The following TAFA1 variants were observed in gnomAD, a reference collection of about 807,000 sequenced individuals.
TAFA1 encodes the protein chemokine-like protein TAFA-1.
TAFA1 carries 4 observed loss-of-function variants against 18.5 expected under a neutral mutation model. The ratio of observed to expected loss-of-function variants is 0.22; its 90% confidence interval spans 0.11 to 0.49. The LOEUF is 0.49. Among genes scored for constraint, TAFA1 ranks in the 20% least tolerant of loss-of-function variants. The pLI, the probability that TAFA1 is intolerant of heterozygous loss-of-function variation, is 0.98. For synonymous variants in TAFA1, 56 were observed against 55.2 expected, an observed-to-expected ratio of 1.01 and a Z score of -0.06; for missense variants, 147 against 169.0, an observed-to-expected ratio of 0.87 and a Z score of 0.72.
At chr3:68,225,479 G>A (rs1334860026) in intron 2 of TAFA1, among the ~76,000 whole-genome samples, 1 of 152,134 alleles carries the variant, frequency 6.6e-6, no homozygotes, top group Non-Finnish European at 1.5e-5. Context: ...GCCACAGAAG[G>A]AAGGCCAGCT....
At chr3:68,029,908 C>T (rs893627724) in intron 2 of TAFA1, among the ~76,000 whole-genome samples, 4 of 151,998 alleles carry the variant, frequency 2.6e-5, no homozygotes, top group Non-Finnish European at 2.9e-5. Context: ...TGGTATGGGA[C>T]GATAGTTAAG....
chr3:68,126,306 T>C (rs1158061857), intron 2 of TAFA1, among the ~76,000 whole-genome samples: 1 of 152,164 alleles, frequency 6.6e-6, no homozygotes, highest in African/African-American at 2.4e-5. Flanking sequence ...CATGAGTGAA[T>C]TAATAAACAT....
chr3:68,541,188 G>A lies in TAFA1; in HGVS notation c.384+2308G>A, dbSNP rs566957069. Among the ~76,000 whole-genome samples the A allele has an allele frequency of 2.0e-5, 3 of 152,330 alleles. No homozygotes were observed. In the South Asian group the frequency reaches 6.2e-4, roughly 32 times the overall value. The stretch of plus-strand genomic sequence containing the variant: ...AAGTCTGTCCTTAGAAAAGGAAAGA[G>A]AAGACACTGGAAAAGCTGTACTTTT... On this transcript the variant is annotated intron_variant, in intron 4 of 4. Coordinates refer to ENST00000478136, the MANE Select transcript of TAFA1 (RefSeq NM_213609.4).
chr3:68,078,920 G>A (rs28821179), intron 2 of TAFA1, among the ~76,000 whole-genome samples: 7 of 152,124 alleles, frequency 4.6e-5, no homozygotes, highest in Non-Finnish European at 8.8e-5. Context: ...GGTAGAATTC[G>A]GCTGTGAATC....
At chr3:68,324,311 C>A (rs997662795) in intron 2 of TAFA1, among the ~76,000 whole-genome samples, 23 of 151,940 alleles carry the variant, frequency 1.5e-4, no homozygotes, top group African/African-American at 5.3e-4. Flanking sequence ...AAAACCATGG[C>A]CATAGATGTT....
chr3:68,257,567 A>G (rs977149859), intron 2 of TAFA1, among the ~76,000 whole-genome samples: 2 of 152,140 alleles, frequency 1.3e-5, no homozygotes, highest in African/African-American at 4.8e-5. Flanking sequence ...GGCTAAGTGC[A>G]TAATACTCAT....
chr3:68,437,704 A>G (rs1291408999), intron 3 of TAFA1, among the ~76,000 whole-genome samples: 1 of 151,944 alleles, frequency 6.6e-6, no homozygotes, highest in East Asian at 1.9e-4. Flanking sequence ...TGACCCAATT[A>G]CCCCTTAAAG....
intron 2 of TAFA1, among the ~76,000 whole-genome samples, chr3:68,105,345 C>A (rs1051871236): frequency 2.0e-5 from 3 of 152,108 alleles, no homozygotes; most frequent in African/African-American, 7.2e-5. Context: ...TGAGACTTTG[C>A]AAATGGACAG....
At chr3:68,020,908 G>C (rs376453387) in intron 2 of TAFA1, among the ~76,000 whole-genome samples, 1 of 151,894 alleles carries the variant, frequency 6.6e-6, no homozygotes, top group Non-Finnish European at 1.5e-5. Context: ...GTGTCTGACC[G>C]GGAGCAGTGG....
chr3:68,434,228 G>A (rs2071231143), intron 3 of TAFA1, among the ~76,000 whole-genome samples: 2 of 152,086 alleles, frequency 1.3e-5, no homozygotes, highest in East Asian at 1.9e-4. Context: ...CTAGTGTTAT[G>A]TGAAGTGGTA....
chr3:68,021,175 G>T (rs1306388950), intron 2 of TAFA1, among the ~76,000 whole-genome samples: 2 of 64,142 alleles, frequency 3.1e-5, no homozygotes, highest in East Asian at 1.0e-3. Context: ...AACAGAACAA[G>T]ACCCTGTCTC....
intron 2 of TAFA1, among the ~76,000 whole-genome samples, chr3:68,217,217 A>G (rs1559562309): frequency 6.6e-6 from 1 of 151,984 alleles, no homozygotes; most frequent in Non-Finnish European, 1.5e-5. Context: ...AATGGCAAAA[A>G]CTGCAATTTC....
intron 3 of TAFA1, among the ~76,000 whole-genome samples, chr3:68,482,738 A>T (rs778925835): frequency 1.3e-5 from 2 of 152,186 alleles, no homozygotes; most frequent in Non-Finnish European, 2.9e-5. Flanking sequence ...AATTTAAACA[A>T]CACATTCTTG....
intron 2 of TAFA1, among the ~76,000 whole-genome samples, chr3:68,324,790 G>T (rs2068751655): frequency 6.6e-6 from 1 of 152,134 alleles, no homozygotes; most frequent in Non-Finnish European, 1.5e-5. Context: ...ATTTTTATAA[G>T]TAGGTAGGAC....
chr3:68,304,275 G>A (rs1360832581), intron 2 of TAFA1, among the ~76,000 whole-genome samples: 1 of 152,154 alleles, frequency 6.6e-6, no homozygotes, highest in African/African-American at 2.4e-5. Context: ...AATACTAGAA[G>A]GTTTTATTTG....
At chr3:67,994,597 G>T in the TAFA1 span, among the ~76,000 whole-genome samples, 10 of 152,166 alleles carry the variant, frequency 6.6e-5, no homozygotes, top group South Asian at 2.1e-4. Context: ...TTCAAAAAAG[G>T]ACATTTCCCC....
At chr3:68,445,460 C>A (rs569955589) in intron 3 of TAFA1, among the ~76,000 whole-genome samples, 3 of 152,180 alleles carry the variant, frequency 2.0e-5, no homozygotes, top group South Asian at 2.1e-4. Flanking sequence ...GAAGTATGGG[C>A]AAACTAATTT....
chr3:68,104,122 C>T (rs2065179379), intron 2 of TAFA1, among the ~76,000 whole-genome samples: 1 of 152,030 alleles, frequency 6.6e-6, no homozygotes, highest in African/African-American at 2.4e-5. Context: ...ATTATAATAA[C>T]TCTCACATTC....
Position 68,343,296 on chromosome 3 carries a change from A to T in TAFA1, c.119-73984A>T, listed in dbSNP as rs1439864488. ...GTGAGATTAAAAATGCAGATTTCTG[A>T]GGTACCCTTAATCTTACTGAGTCAG... On this transcript the variant is annotated intron_variant, in intron 2 of 4. Coordinates refer to ENST00000478136, the MANE Select transcript of TAFA1 (RefSeq NM_213609.4). 2.6e-5 allele frequency among the ~76,000 whole-genome samples: 4 copies of T among 152,312 alleles called. No individual in the cohort carries two copies. The East Asian group carries it at 7.7e-4, about 29-fold the overall frequency.
Sources: gnomAD v4.1 joint callset for allele counts (sites outside exome capture counted in the v4.1 genomes callset) on GRCh38, gnomAD v4.1.1 for gene constraint, MANE v1.5 for transcripts, NCBI Gene and HGNC (gene_info 2026-07-23, HGNC 2026-07-21) for gene names.